The following PRLR variants were observed in gnomAD, a reference collection of about 807,000 sequenced individuals.
The protein encoded by PRLR is hPRL receptor.
In PRLR, 13 loss-of-function variants were observed where a neutral mutation model predicts 40.2. The ratio of observed to expected loss-of-function variants is 0.32; its 90% CI spans 0.21 to 0.51. The LOEUF is 0.51. PRLR is among the 20% of genes least tolerant of loss of function. The pLI, the probability that PRLR is intolerant of heterozygous loss-of-function variation, is 0.97. For synonymous variants in PRLR, 269 were observed against 278.7 expected (o/e 0.97, Z 0.35); for missense variants, 656 against 747.3 (o/e 0.88, Z 1.42).
At chr5:35,069,012 A>G (rs1283026231) in intron 7 of PRLR, 134 bp from the exon 8 acceptor site, 3 of 596,616 alleles carry the variant, frequency 5.0e-6, no homozygotes, top group Non-Finnish European at 9.0e-6. Flanking sequence ...ACAGCAATCC[A>G]AAGTATCATC....
chr5:35,068,649 G>T, intron 8 of PRLR, 130 bp downstream of exon 8: 3 of 730,368 alleles, frequency 4.1e-6, no homozygotes, highest in East Asian at 2.6e-5. Context: ...TTTTTTTTAT[G>T]GGCAAACACA....
intron 1 of PRLR, among the ~76,000 whole-genome samples, chr5:35,159,320 GAAAAA>G (rs34465230): frequency 7.3e-5 from 10 of 137,444 alleles, no homozygotes; most frequent in Non-Finnish European, 1.1e-4. Context: ...ATCAAGATAG[GAAAAA>G]AAAAAAAAAA....
chr5:35,215,486 T>C (rs1373359074), intron 1 of PRLR, among the ~76,000 whole-genome samples: 1 of 152,186 alleles, frequency 6.6e-6, no homozygotes, highest in Non-Finnish European at 1.5e-5. Flanking sequence ...GTGCCAAGTG[T>C]TGTACATACC....
intron 1 of PRLR, among the ~76,000 whole-genome samples, chr5:35,189,912 T>G (rs899353965): frequency 6.6e-6 from 1 of 152,146 alleles, no homozygotes. Context: ...CCGCACAGCT[T>G]TGGGGCAGCA....
At chr5:35,193,413 T>G (rs533717942) in intron 1 of PRLR, among the ~76,000 whole-genome samples, 1 of 152,324 alleles carries the variant, frequency 6.6e-6, no homozygotes, top group Admixed American at 6.5e-5. Context: ...TCTATCATCT[T>G]ACTGGGTTCA....
At chr5:35,066,603 C>T (rs938275973) in intron 9 of PRLR, among the ~76,000 whole-genome samples, 3 of 151,706 alleles carry the variant, frequency 2.0e-5, no homozygotes, top group African/African-American at 7.3e-5. Flanking sequence ...CTCCCTCTTC[C>T]TAATCTACTG....
chr5:35,197,921 A>T (rs1051625987), intron 1 of PRLR, among the ~76,000 whole-genome samples: 5 of 152,218 alleles, frequency 3.3e-5, no homozygotes, highest in African/African-American at 9.6e-5. Context: ...AAGCCCAAGG[A>T]GTGATGCCCA....
In PRLR at chr5:35,055,744, T is replaced by C. The variant is rs1156332856; in HGVS notation, c.*9345A>G. On this transcript the variant is annotated 3_prime_UTR_variant, in exon 10 of 10. Transcript: ENST00000618457. ...TATTAAGTCAATTTAAACTAAACAT[T>C]ACTACCATTGCAAAAGCATTTGCTC... The C allele has an allele frequency of 6.6e-6, 1 of 152,152 alleles. No homozygotes were observed. The highest frequency in any genetic ancestry group is 1.5e-5 in the Non-Finnish European group (1 of 68,028). 9.4% of individuals were successfully genotyped at this position (152,152 alleles called of 1,614,324 possible).
At position 35,060,926 on chromosome 5, in the gene PRLR, G is replaced by C. The variant is rs929650226; in HGVS notation, c.*4163C>G. ...AGAGTCTCAAATCACAGGGTGGCAG[G>C]TTTATCCCCAAATCACAGCCAGCCT... On this transcript the variant is annotated 3_prime_UTR_variant, in exon 10 of 10. Transcript: ENST00000618457. 1.3e-5 allele frequency: 2 copies of C among 152,152 alleles called. No homozygotes were observed. Among genetic ancestry groups the C allele is most frequent in the Non-Finnish European group, 2.9e-5 (2 of 68,016 alleles). 9.4% of individuals were successfully genotyped at this position (152,152 alleles called of 1,614,324 possible).
intron 5 of PRLR, among the ~76,000 whole-genome samples, chr5:35,073,103 T>C (rs529621993): frequency 8.6e-4 from 131 of 152,324 alleles, no homozygotes; most frequent in Middle Eastern, 3.4e-3. Context: ...TGGAAGACTA[T>C]AGGGAAAGAG....
chr5:35,069,535 T>C, intron 7 of PRLR, among the ~76,000 whole-genome samples: 1 of 152,334 alleles, frequency 6.6e-6, no homozygotes, highest in African/African-American at 2.4e-5. Context: ...GTTTGGTTTC[T>C]TCACTTTTAA....
intron 2 of PRLR, among the ~76,000 whole-genome samples, chr5:35,108,143 A>G (rs936009146): frequency 3.3e-5 from 5 of 152,232 alleles, no homozygotes; most frequent in African/African-American, 1.2e-4. Flanking sequence ...ATCTCAATAG[A>G]TGCAGAAAAG....
chr5:35,174,310 G>A (rs1156807833), intron 1 of PRLR, among the ~76,000 whole-genome samples: 3 of 152,044 alleles, frequency 2.0e-5, no homozygotes, highest in Non-Finnish European at 2.9e-5. Flanking sequence ...GGCTGGTCTC[G>A]AACTCCTGAG....
At chr5:35,213,849 C>A (rs1776225173) in intron 1 of PRLR, among the ~76,000 whole-genome samples, 4 of 152,224 alleles carry the variant, frequency 2.6e-5, no homozygotes, top group Admixed American at 2.6e-4. Flanking sequence ...AACAGGTATG[C>A]TTTGTTGGGC....
rs769246035 is a variant in PRLR, at chr5:35,084,643, C to T, written c.204-4G>A. 3.1e-6 allele frequency: 5 copies of T among 1,607,836 alleles called. No homozygotes were observed. In the African/African-American group the frequency reaches 4.0e-5, roughly 13 times the overall value. On this transcript the variant is annotated splice_polypyrimidine_tract_variant and splice_region_variant and intron_variant, in intron 4 of 9. Coordinates refer to ENST00000618457, the MANE Select transcript of PRLR (RefSeq NM_000949.7). ...ACATTCATGCATGAGTGTCTCTCTGCAATAAGTAATGTATTAGGAATGAAT... is the reference window on the plus strand; with the variant it reads ...ACATTCATGCATGAGTGTCTCTCTGTAATAAGTAATGTATTAGGAATGAAT...
rs1769233940 is a variant in PRLR at position 35,064,568 on chromosome 5, G to A, written c.*521C>T. The A allele has an allele frequency of 6.5e-6, 1 of 153,862 alleles. No individual in the cohort carries two copies. The highest frequency in any genetic ancestry group is 2.0e-4 in the South Asian group (1 of 4,892). The allele number at this position is 153,862 out of a possible 1,614,324, so 9.5% of individuals were successfully genotyped here. On this transcript the variant is annotated 3_prime_UTR_variant, in exon 10 of 10. Coordinates refer to ENST00000618457, the MANE Select transcript of PRLR (RefSeq NM_000949.7). Reference sequence around the variant, plus strand: ...GTGTCAGTAAGGTATAGGAACTTATGTAAACAATTTGTTCTGGAATGCATT... The same window carrying A: ...GTGTCAGTAAGGTATAGGAACTTATATAAACAATTTGTTCTGGAATGCATT...
At chr5:35,157,903 G>T (rs78043429) in intron 1 of PRLR, among the ~76,000 whole-genome samples, 12,518 of 152,120 alleles carry the variant, frequency 0.082, 1,774 homozygotes, top group African/African-American at 0.29. Context: ...TGAGAAATCT[G>T]ATTTTCAATT....
chr5:35,147,150 T>C (rs988731128), intron 1 of PRLR, among the ~76,000 whole-genome samples: 2 of 152,212 alleles, frequency 1.3e-5, no homozygotes, highest in African/African-American at 4.8e-5. Flanking sequence ...TTATGTTTAA[T>C]AATTTCTTAA....
chr5:35,081,330 T>C, intron 5 of PRLR: 1 of 201,206 alleles, frequency 5.0e-6, no homozygotes, highest in Non-Finnish European at 9.9e-6. Context: ...TCTGTGCATC[T>C]GTTGGTGCTG....
Sources: gnomAD v4.1 joint callset for allele counts (sites outside exome capture counted in the v4.1 genomes callset) on GRCh38, gnomAD v4.1.1 for gene constraint, MANE v1.5 for transcripts, NCBI Gene and HGNC (gene_info 2026-07-23, HGNC 2026-07-21) for gene names.